SLIT1: variants seen among roughly 807,000 people sequenced by gnomAD.
SLIT1 encodes the protein slit guidance ligand 1.
Under a neutral mutation model 186.1 loss-of-function variants are expected in SLIT1, and 66 were observed. The observed-to-expected ratio is 0.35, with a 90% CI of 0.29 to 0.44. SLIT1 has a LOEUF of 0.44. SLIT1 is among the 20% of genes least tolerant of loss of function. SLIT1 has a pLI of 1.00. For missense variants in SLIT1, 1,638 were observed against 2,037.4 expected (o/e 0.80, Z 3.77); for synonymous variants, 761 against 833.8 (o/e 0.91, Z 1.50).
chr10:97,037,502 G>A (rs1363347035), intron 22 of SLIT1, among the ~76,000 whole-genome samples, 196 bp downstream of exon 22: 1 of 152,124 alleles, frequency 6.6e-6, no homozygotes, highest in Non-Finnish European at 1.5e-5. Context: ...AACATGGCCT[G>A]GAACTATGTA....
At chr10:97,147,463 AG>A (rs1191523937) in intron 4 of SLIT1, among the ~76,000 whole-genome samples, 1 of 152,232 alleles carries the variant, frequency 6.6e-6, no homozygotes, top group Admixed American at 6.5e-5. Context: ...AGTGTTACAA[AG>A]GAAAAAAAAG....
At chr10:97,183,227 A>G (rs1348892538) in intron 1 of SLIT1, among the ~76,000 whole-genome samples, 5 of 152,174 alleles carry the variant, frequency 3.3e-5, no homozygotes. Context: ...TCACCATTAG[A>G]GGTCCTCTGC....
chr10:97,012,337 C>G (rs1027088956), intron 30 of SLIT1, among the ~76,000 whole-genome samples: 32 of 152,144 alleles, frequency 2.1e-4, no homozygotes, highest in African/African-American at 7.7e-4. Flanking sequence ...AGTAGCTAAG[C>G]CACCACTTAT....
At chr10:97,110,550 T>C (rs945145811) in intron 4 of SLIT1, among the ~76,000 whole-genome samples, 2 of 152,140 alleles carry the variant, frequency 1.3e-5, no homozygotes, top group East Asian at 1.9e-4. Flanking sequence ...AAATAAAAAA[T>C]AAAACCAGCC....
intron 4 of SLIT1, among the ~76,000 whole-genome samples, chr10:97,095,963 A>G (rs1849284543): frequency 6.6e-6 from 1 of 152,152 alleles, no homozygotes; most frequent in Admixed American, 6.5e-5. Flanking sequence ...TGATGCTGCC[A>G]GCCAAGGGCA....
chr10:97,034,447 C>A (rs375700347), intron 23 of SLIT1, 24 bp downstream of exon 23: 1 of 1,595,024 alleles, frequency 6.3e-7, no homozygotes, highest in Non-Finnish European at 8.6e-7. Context: ...CGGGGCCCCC[C>A]ACCCCAGCCC....
At chr10:97,074,085 T>A (rs1022789390) in intron 4 of SLIT1, among the ~76,000 whole-genome samples, 1 of 152,100 alleles carries the variant, frequency 6.6e-6, no homozygotes, top group Non-Finnish European at 1.5e-5. Flanking sequence ...CACTTTTACT[T>A]TTCGGCACAA....
intron 1 of SLIT1, among the ~76,000 whole-genome samples, chr10:97,181,750 T>G (rs1399482766): frequency 6.6e-6 from 1 of 152,088 alleles, no homozygotes; most frequent in Non-Finnish European, 1.5e-5. Context: ...GAGAGAACAG[T>G]AGGCCTTCCC....
At chr10:97,035,162 G>A (rs1034976274) in intron 22 of SLIT1, among the ~76,000 whole-genome samples, 4 of 152,134 alleles carry the variant, frequency 2.6e-5, no homozygotes, top group Admixed American at 1.3e-4. Flanking sequence ...GCTTTCCTCC[G>A]CTCCCGACTG....
At chr10:97,080,761 A>G (rs552734954) in intron 4 of SLIT1, among the ~76,000 whole-genome samples, 2 of 152,386 alleles carry the variant, frequency 1.3e-5, no homozygotes, top group South Asian at 4.1e-4. Context: ...AATTTGACGT[A>G]TTGGTCATTT....
intron 30 of SLIT1, 21 bp from the exon 31 acceptor site, chr10:97,011,151 G>T (rs775752976): frequency 6.3e-7 from 1 of 1,597,568 alleles, no homozygotes; most frequent in Admixed American, 1.7e-5. Context: ...GGGGGCAGGG[G>T]TAGTTGGGGG....
intron 4 of SLIT1, among the ~76,000 whole-genome samples, chr10:97,138,649 G>GT (rs143674794): frequency 0.25 from 14,763 of 58,868 alleles, 759 homozygotes; most frequent in Middle Eastern, 0.42. Context: ...GTAGGAAACT[G>GT]TTTTTTTTTT....
chr10:97,112,223 C>T (rs923926640), intron 4 of SLIT1, among the ~76,000 whole-genome samples: 1 of 152,176 alleles, frequency 6.6e-6, no homozygotes, highest in Non-Finnish European at 1.5e-5. Context: ...CCAAGCTTCA[C>T]TGCCAAGCTC....
At chr10:97,003,490 C>T (rs146097372) in intron 34 of SLIT1, among the ~76,000 whole-genome samples, 3 of 152,320 alleles carry the variant, frequency 2.0e-5, no homozygotes, top group East Asian at 1.9e-4. Context: ...GAGTAAGCTG[C>T]GGAGCTGGGC....
intron 4 of SLIT1, among the ~76,000 whole-genome samples, chr10:97,083,813 C>T (rs553818815): frequency 1.6e-4 from 24 of 152,284 alleles, no homozygotes; most frequent in African/African-American, 5.1e-4. Context: ...TGAGAGGCTT[C>T]GTTCAGAAGT....
At chr10:97,141,005 T>A (rs1160436479) in intron 4 of SLIT1, among the ~76,000 whole-genome samples, 2 of 152,120 alleles carry the variant, frequency 1.3e-5, no homozygotes, top group Non-Finnish European at 2.9e-5. Flanking sequence ...TGTGAGCAGA[T>A]TAACCATCCG....
intron 4 of SLIT1, among the ~76,000 whole-genome samples, chr10:97,077,816 C>T (rs1046193877): frequency 2.0e-5 from 3 of 152,166 alleles, no homozygotes; most frequent in Middle Eastern, 3.4e-3. Flanking sequence ...TTTCAATTAT[C>T]GAACTACAGT....
chr10:97,042,065 T>C (rs950000279), intron 20 of SLIT1, among the ~76,000 whole-genome samples: 2 of 152,156 alleles, frequency 1.3e-5, no homozygotes, highest in African/African-American at 4.8e-5. Context: ...AGCAAAAGTA[T>C]TCTTAGAGAA....
chr10:97,142,408 T>C (rs572255228), intron 4 of SLIT1, among the ~76,000 whole-genome samples: 49 of 152,286 alleles, frequency 3.2e-4, no homozygotes, highest in Admixed American at 5.9e-4. Context: ...CTGGGAAAAC[T>C]GAATATCCCC....
Sources: allele counts gnomAD v4.1 joint callset (sites outside exome capture counted in the v4.1 genomes callset), GRCh38; gene constraint gnomAD v4.1.1; transcripts MANE v1.5; gene names NCBI Gene and HGNC (gene_info 2026-07-23, HGNC 2026-07-21).